Variants in CRTAC1 observed in about 807,000 individuals in gnomAD.
The protein encoded by CRTAC1 is acidic secreted protein in cartilage.
CRTAC1 carries 37 observed loss-of-function variants against 67.8 expected under a neutral mutation model. That is an observed-to-expected ratio of 0.55 (90% CI 0.42 to 0.72). CRTAC1 has a LOEUF of 0.72. Among genes scored for constraint, CRTAC1 ranks in the 30% least tolerant of loss-of-function variants. The probability of loss-of-function intolerance (pLI) is 0.00; values close to 1 mark genes in which losing one functional copy is unlikely to be tolerated. For missense variants in CRTAC1, 780 were observed against 931.6 expected, an observed-to-expected ratio of 0.84 and a Z score of 2.12; for synonymous variants, 348 against 371.0, an observed-to-expected ratio of 0.94 and a Z score of 0.71.
At chr10:97,925,402 G>T (rs1158390800) in intron 3 of CRTAC1, among the ~76,000 whole-genome samples, 1 of 152,040 alleles carries the variant, frequency 6.6e-6, no homozygotes, top group Non-Finnish European at 1.5e-5. Context: ...GTGGGTGTGT[G>T]AGTGAGGGTG....
intron 3 of CRTAC1, among the ~76,000 whole-genome samples, chr10:97,929,551 C>A (rs1005045529): frequency 2.0e-5 from 3 of 152,166 alleles, no homozygotes; most frequent in Admixed American, 6.5e-5. Flanking sequence ...CAGCCTCCAA[C>A]CTCATTCATC....
intron 2 of CRTAC1, among the ~76,000 whole-genome samples, chr10:97,938,436 A>G (rs2051123196): frequency 6.6e-6 from 1 of 152,170 alleles, no homozygotes; most frequent in Non-Finnish European, 1.5e-5. Flanking sequence ...TGAGCCCCAC[A>G]CCATCTCAGA....
chr10:97,968,395 A>G (rs1377328990), intron 2 of CRTAC1, among the ~76,000 whole-genome samples: 1 of 152,172 alleles, frequency 6.6e-6, no homozygotes, highest in Non-Finnish European at 1.5e-5. Flanking sequence ...GGCACGTGCC[A>G]CCATGCCTGG....
rs868569580 is a variant in CRTAC1, at chr10:97,927,843, A to G, written c.422-4443T>C. Among the ~76,000 whole-genome samples the G allele has an allele frequency of 3.9e-5, 6 of 152,150 alleles. No homozygotes were observed. In the East Asian group the frequency reaches 1.2e-3, roughly 29 times the overall value. ...GTGTCAGGAAGACAGATAAACAGCGAGCTGTGCGGGTCGATGGCACAGGCA... is the reference window on the plus strand; with the variant it reads ...GTGTCAGGAAGACAGATAAACAGCGGGCTGTGCGGGTCGATGGCACAGGCA... On this transcript the variant is annotated intron_variant, in intron 3 of 14. Transcript: ENST00000370597.
intron 2 of CRTAC1, among the ~76,000 whole-genome samples, chr10:97,970,359 C>T (rs537395431): frequency 2.6e-5 from 4 of 152,160 alleles, no homozygotes; most frequent in East Asian, 1.9e-4. Flanking sequence ...AAGTGCAAGT[C>T]GCATCATGTC....
At chr10:97,924,169 C>A (rs1028446443) in intron 3 of CRTAC1, among the ~76,000 whole-genome samples, 1 of 152,092 alleles carries the variant, frequency 6.6e-6, no homozygotes, top group African/African-American at 2.4e-5. Context: ...GACTAAGAAG[C>A]CTTGTTCTGG....
chr10:97,928,073 G>A (rs993822290), intron 3 of CRTAC1, among the ~76,000 whole-genome samples: 5 of 152,352 alleles, frequency 3.3e-5, no homozygotes, highest in Middle Eastern at 3.4e-3. Flanking sequence ...AGGTAGAGGC[G>A]TGGGAGAAAC....
At chr10:97,911,557 C>A (rs943298391) in intron 5 of CRTAC1, among the ~76,000 whole-genome samples, 11 of 152,292 alleles carry the variant, frequency 7.2e-5, no homozygotes, top group Middle Eastern at 3.4e-3. Context: ...TGGGTGCCAG[C>A]CCCAGCAGCT....
intron 2 of CRTAC1, among the ~76,000 whole-genome samples, chr10:97,980,300 CTTTTA>C (rs1354186549): frequency 6.6e-6 from 1 of 152,172 alleles, no homozygotes; most frequent in African/African-American, 2.4e-5. Flanking sequence ...AATGCACTTG[CTTTTA>C]TTTTAGTTTT....
chr10:97,962,904 A>C (rs1051312453), intron 2 of CRTAC1, among the ~76,000 whole-genome samples: 6 of 151,694 alleles, frequency 4.0e-5, no homozygotes, highest in Admixed American at 6.6e-5. Context: ...AACAAAAAAC[A>C]AAAAAAACAA....
intron 3 of CRTAC1, among the ~76,000 whole-genome samples, chr10:97,930,371 C>A (rs2050985994): frequency 6.6e-6 from 1 of 152,148 alleles, no homozygotes. Context: ...GACTTTGCAT[C>A]CAAGTGAAAT....
intron 14 of CRTAC1, among the ~76,000 whole-genome samples, chr10:97,875,405 TA>T (rs1406001552): frequency 6.6e-6 from 1 of 152,238 alleles, no homozygotes; most frequent in Non-Finnish European, 1.5e-5. Context: ...TCTGGTGGCC[TA>T]TTTTTTGACC....
chr10:97,944,551 A>T (rs1258327988), intron 2 of CRTAC1, among the ~76,000 whole-genome samples: 5 of 152,182 alleles, frequency 3.3e-5, no homozygotes, highest in Admixed American at 6.5e-5. Context: ...GGGGGTAAAA[A>T]GGTTGTGGTA....
At chr10:97,972,368 C>A (rs2051729529) in intron 2 of CRTAC1, among the ~76,000 whole-genome samples, 1 of 152,146 alleles carries the variant, frequency 6.6e-6, no homozygotes, top group Non-Finnish European at 1.5e-5. Context: ...AGTTCACAGG[C>A]AAATGCCTGA....
At chr10:97,919,732 C>A (rs2050808807) in intron 4 of CRTAC1, among the ~76,000 whole-genome samples, 2 of 145,962 alleles carry the variant, frequency 1.4e-5, no homozygotes, top group African/African-American at 5.1e-5. Context: ...GATTCCTGTG[C>A]AAAATTGGAG....
chr10:98,013,919 C>T (rs1290766080), intron 1 of CRTAC1, among the ~76,000 whole-genome samples: 2 of 152,214 alleles, frequency 1.3e-5, no homozygotes, highest in Admixed American at 1.3e-4. Context: ...GGTTGGCCTC[C>T]CCATGAGACC....
At chr10:97,936,761 C>T (rs1478887264) in intron 2 of CRTAC1, among the ~76,000 whole-genome samples, 5 of 152,182 alleles carry the variant, frequency 3.3e-5, no homozygotes, top group African/African-American at 4.8e-5. Flanking sequence ...TTAAATTTAA[C>T]AATCAAGAGA....
At chr10:98,012,425 G>C (rs1448731654) in intron 1 of CRTAC1, among the ~76,000 whole-genome samples, 5 of 152,146 alleles carry the variant, frequency 3.3e-5, no homozygotes, top group Non-Finnish European at 7.4e-5. Context: ...GGCTCTGCTG[G>C]AAGGAGGTCC....
At chr10:97,907,242 C>A (rs563272877) in intron 6 of CRTAC1, among the ~76,000 whole-genome samples, 1 of 152,262 alleles carries the variant, frequency 6.6e-6, no homozygotes, top group Non-Finnish European at 1.5e-5. Context: ...ATGCCACGGG[C>A]AGCAGGAGGA....
Sources: allele counts gnomAD v4.1 joint callset (sites outside exome capture counted in the v4.1 genomes callset), GRCh38; gene constraint gnomAD v4.1.1; transcripts MANE v1.5; gene names NCBI Gene and HGNC (gene_info 2026-07-23, HGNC 2026-07-21).